Variants in EYA3 observed in about 807,000 individuals in gnomAD.
The protein encoded by EYA3 is protein phosphatase EYA3.
A neutral mutation model predicts 80.0 loss-of-function variants in EYA3; 39 were observed. The ratio of observed to expected loss-of-function variants is 0.49; its 90% CI spans 0.38 to 0.64. EYA3 has a LOEUF of 0.64. EYA3 is among the 30% of genes least tolerant of loss of function. The probability of loss-of-function intolerance (pLI) is 0.00; values close to 1 mark genes in which losing one functional copy is unlikely to be tolerated. For missense variants in EYA3, 523 were observed against 676.1 expected (o/e 0.77, Z 2.51); for synonymous variants, 206 against 232.8 (o/e 0.88, Z 1.05).
chr1:28,042,319 C>T (rs950822492), intron 4 of EYA3, among the ~76,000 whole-genome samples: 1 of 152,016 alleles, frequency 6.6e-6, no homozygotes, highest in Non-Finnish European at 1.5e-5. Context: ...TTAAAACATC[C>T]AATCTCAAAA....
At chr1:28,007,161 G>A (rs1444902180) in intron 10 of EYA3, among the ~76,000 whole-genome samples, 1 of 151,658 alleles carries the variant, frequency 6.6e-6, no homozygotes, top group African/African-American at 2.4e-5. Flanking sequence ...ACGTTGACCA[G>A]GCTGGTCTCA....
intron 13 of EYA3, 41 bp downstream of exon 13, chr1:27,997,279 T>C (rs61789701): frequency 6.2e-4 from 968 of 1,561,990 alleles, no homozygotes; most frequent in Non-Finnish European, 7.9e-4. Context: ...ATCTTGCACA[T>C]AACAGGTGTA....
At chr1:27,986,971 G>A (rs1441004987) in intron 16 of EYA3, among the ~76,000 whole-genome samples, 2 of 152,086 alleles carry the variant, frequency 1.3e-5, no homozygotes, top group African/African-American at 2.4e-5. Context: ...CAAAGTGCTG[G>A]GATTACAGGT....
At chr1:28,073,127 A>ATATATATATATATATATTTT (rs1553157671) in intron 1 of EYA3, among the ~76,000 whole-genome samples, 25 of 14,992 alleles carry the variant, frequency 1.7e-3, no homozygotes, top group South Asian at 4.0e-3. Flanking sequence ...ATATATATAT[A>ATATATATATATATATATTTT]TTTTTTTTTT....
chr1:27,975,102 T>A (rs957205482), intron 17 of EYA3, among the ~76,000 whole-genome samples: 2 of 152,246 alleles, frequency 1.3e-5, no homozygotes, highest in Admixed American at 1.3e-4. Context: ...AATGTACAGA[T>A]CTGGGAAATA....
At chr1:28,002,302 GC>G (rs1229053267) in intron 11 of EYA3, among the ~76,000 whole-genome samples, 1 of 152,054 alleles carries the variant, frequency 6.6e-6, no homozygotes, top group Non-Finnish European at 1.5e-5. Context: ...ACCCGCCTTG[GC>G]CTCCCAAAGT....
intron 1 of EYA3, among the ~76,000 whole-genome samples, chr1:28,067,328 A>G (rs757410313): frequency 4.6e-5 from 7 of 152,252 alleles, no homozygotes; most frequent in Non-Finnish European, 7.3e-5. Context: ...TTTCAATACA[A>G]GCTTATTTAA....
rs188674378 is a variant in EYA3, at chr1:28,073,194, G to A, written c.-68-15100C>T. Among the ~76,000 whole-genome samples the A allele has an allele frequency of 5.3e-3, 666 of 126,770 alleles. 10 individuals are homozygous for A. Among genetic ancestry groups the A allele is most frequent in the African/African-American group, 0.019 (618 of 32,176 alleles). 83.2% of individuals were successfully genotyped at this position (126,770 alleles called of 152,430 possible). A position where few individuals can be genotyped will look rare whatever the true frequency, so the allele number is the denominator to read the frequency against. The stretch of plus-strand genomic sequence containing the variant: ...GTTGCCCAGGCTGGAGTGCAGTGGC[G>A]TGATCTTGGCTCACTGCAAGCTCCA... On this transcript the variant is annotated intron_variant, in intron 1 of 17. Transcript: ENST00000373871.
intron 2 of EYA3, among the ~76,000 whole-genome samples, 190 bp downstream of exon 2, chr1:28,057,804 G>A (rs1174716999): frequency 2.0e-5 from 3 of 151,790 alleles, no homozygotes; most frequent in African/African-American, 4.8e-5. Context: ...TATTCATTTC[G>A]TAATGCTAAA....
chr1:28,036,922 GAT>G (rs1347603784), intron 5 of EYA3, among the ~76,000 whole-genome samples: 1 of 152,104 alleles, frequency 6.6e-6, no homozygotes, highest in Non-Finnish European at 1.5e-5. Flanking sequence ...TAGCTGAGCA[GAT>G]AAGAGGCACA....
chr1:28,055,852 A>C (rs1446585099), intron 2 of EYA3, among the ~76,000 whole-genome samples: 1 of 152,190 alleles, frequency 6.6e-6, no homozygotes, highest in African/African-American at 2.4e-5. Flanking sequence ...AGAGTCAAGA[A>C]GAGACAATGG....
chr1:28,035,804 A>C, intron 5 of EYA3, 124 bp from the exon 6 acceptor site: 1 of 936,076 alleles, frequency 1.1e-6, no homozygotes, highest in South Asian at 1.7e-5. Context: ...TCCACATAAA[A>C]TGGCTCTTTT....
At chr1:27,980,664 CAT>C (rs1639232225) in intron 16 of EYA3, among the ~76,000 whole-genome samples, 1 of 152,244 alleles carries the variant, frequency 6.6e-6, no homozygotes, top group African/African-American at 2.4e-5. Flanking sequence ...ATCAGTTTAC[CAT>C]ATGTCAAGCA....
At chr1:27,986,473 A>G (rs149834713) in intron 16 of EYA3, among the ~76,000 whole-genome samples, 4,053 of 146,560 alleles carry the variant, frequency 0.028, 83 homozygotes, top group Middle Eastern at 0.056. Flanking sequence ...ATCTCGGCTC[A>G]CTGCAACTCC....
At chr1:28,028,207 GAA>G (rs531773615) in intron 6 of EYA3, among the ~76,000 whole-genome samples, 2 of 151,908 alleles carry the variant, frequency 1.3e-5, no homozygotes, top group African/African-American at 4.8e-5. Context: ...CCAGGATTCA[GAA>G]AAAAAGAGTT....
At chr1:27,994,191 C>T (rs904125799) in intron 13 of EYA3, among the ~76,000 whole-genome samples, 4 of 152,214 alleles carry the variant, frequency 2.6e-5, no homozygotes, top group Non-Finnish European at 5.9e-5. Context: ...GCTTCTTCTG[C>T]TCTCTCTTGG....
chr1:27,989,174 C>T lies in EYA3; in HGVS notation c.1419-518G>A, dbSNP rs1054913933. Among the ~76,000 whole-genome samples the T allele has an allele frequency of 7.2e-5, 11 of 152,204 alleles. No homozygotes were observed. In the East Asian group the frequency reaches 1.7e-3, roughly 24 times the overall value. ...TTGGTGTCAGCTTTACTGTTTACTA[C>T]GTTGTGGATCTGGAATTACTGCTTT... On this transcript the variant is annotated intron_variant, in intron 15 of 17. Transcript: ENST00000373871.
chr1:27,982,337 G>A (rs1465865074), intron 16 of EYA3, among the ~76,000 whole-genome samples: 1 of 151,552 alleles, frequency 6.6e-6, no homozygotes, highest in Non-Finnish European at 1.5e-5. Flanking sequence ...GTAGAGATGG[G>A]GTCTGACTAT....
intron 1 of EYA3, among the ~76,000 whole-genome samples, chr1:28,064,698 A>G (rs1644768127): frequency 6.6e-6 from 1 of 151,936 alleles, no homozygotes. Context: ...ATGTTGCCCA[A>G]GCTGGTCTCA....
Sources: allele counts gnomAD v4.1 joint callset (sites outside exome capture counted in the v4.1 genomes callset), GRCh38; gene constraint gnomAD v4.1.1; transcripts MANE v1.5; gene names NCBI Gene and HGNC (gene_info 2026-07-23, HGNC 2026-07-21).